GGTA1: variants seen among roughly 807,000 people sequenced by gnomAD.
The protein encoded by GGTA1 is inactive N-acetyllactosaminide alpha-1,3-galactosyltransferase.
In GGTA1, 5 loss-of-function variants were observed where a neutral mutation model predicts 2.6. The ratio of observed to expected loss-of-function variants is 1.92; its 90% CI spans 1.00 to 4.04. The LOEUF (loss-of-function observed/expected upper bound fraction) is 4.04. Ranked by LOEUF, GGTA1 falls within the 30% of genes most tolerant of loss-of-function variation. The pLI, the probability that GGTA1 is intolerant of heterozygous loss-of-function variation, is 0.00. For missense variants in GGTA1, 50 were observed against 16.7 expected (o/e 2.99, Z -3.47); for synonymous variants, 17 against 5.0 (o/e 3.38, Z -3.19).
rs557176548 is a variant in GGTA1 at position 121,492,631 on chromosome 9, G to A, written c.-10+7019C>T. Among the ~76,000 whole-genome samples, 16 of 152,030 alleles carry A rather than the reference G, an allele frequency of 1.1e-4. No individual in the cohort carries two copies. In the East Asian group the frequency reaches 2.8e-3, roughly 26 times the overall value. On this transcript the variant is annotated intron_variant, in intron 1 of 5. Coordinates refer to ENST00000481799, the MANE Select transcript of GGTA1 (RefSeq NM_001382585.1). The stretch of plus-strand genomic sequence containing the variant: ...TGGGATTACAGGCATGGGCCACTAC[G>A]CCTGGCTAATTTTATATTTTTAGTA...
downstream of GGTA1, among the ~76,000 whole-genome samples, chr9:121,450,205 T>C (rs576969434): frequency 6.6e-6 from 1 of 152,186 alleles, no homozygotes; most frequent in Admixed American, 6.5e-5. Context: ...AGAGAATATA[T>C]CTGAGGAATA....
intron 1 of GGTA1, among the ~76,000 whole-genome samples, chr9:121,480,417 C>A (rs530944615): frequency 1.3e-5 from 2 of 152,294 alleles, no homozygotes; most frequent in Admixed American, 6.5e-5. Flanking sequence ...CAAAATCATT[C>A]TCAGAATCCC....
intron 7 of GGTA1, among the ~76,000 whole-genome samples, chr9:121,447,834 T>C (rs1238951532): frequency 1.3e-5 from 2 of 152,176 alleles, no homozygotes; most frequent in African/African-American, 2.4e-5. Flanking sequence ...CACCATTCAG[T>C]CACTCAGTCC....
At chr9:121,458,339 T>C (rs1027469223) in intron 5 of GGTA1, among the ~76,000 whole-genome samples, 1 of 151,958 alleles carries the variant, frequency 6.6e-6, no homozygotes, top group Non-Finnish European at 1.5e-5. Flanking sequence ...TTAAATAATC[T>C]GCTTGTGTCC....
At chr9:121,454,626 G>A (rs935678403), downstream of GGTA1, among the ~76,000 whole-genome samples, 1 of 152,160 alleles carries the variant, frequency 6.6e-6, no homozygotes, top group Non-Finnish European at 1.5e-5. Context: ...GAGCTACCAC[G>A]TACACTATTT....
chr9:121,491,746 A>T (rs902797690), intron 1 of GGTA1, among the ~76,000 whole-genome samples: 2 of 151,968 alleles, frequency 1.3e-5, no homozygotes, highest in African/African-American at 4.8e-5. Context: ...AGTAGCTGGG[A>T]TTACAGGCTC....
chr9:121,472,654 G>A (rs759322592), intron 1 of GGTA1, among the ~76,000 whole-genome samples: 1 of 152,350 alleles, frequency 6.6e-6, no homozygotes, highest in South Asian at 2.1e-4. Context: ...GAAGTGGGAT[G>A]TGACTTTGAT....
intron 1 of GGTA1, among the ~76,000 whole-genome samples, chr9:121,482,200 G>C (rs576888059): frequency 6.6e-6 from 1 of 152,120 alleles, no homozygotes; most frequent in South Asian, 2.1e-4. Flanking sequence ...AGGCACAGTG[G>C]CTCACACCTG....
At chr9:121,452,953 A>G (rs2064885911), downstream of GGTA1, among the ~76,000 whole-genome samples, 1 of 152,096 alleles carries the variant, frequency 6.6e-6, no homozygotes, top group Non-Finnish European at 1.5e-5. Context: ...TTCCTAAGCT[A>G]CTAGTAGCAC....
intron 1 of GGTA1, among the ~76,000 whole-genome samples, chr9:121,486,080 G>A (rs1307230610): frequency 1.3e-5 from 2 of 152,112 alleles, no homozygotes; most frequent in African/African-American, 4.8e-5. Context: ...TCTGATAATT[G>A]TATTCCAGTA....
At chr9:121,493,748 CTTTTTTTTTTT>C (rs35465171) in intron 1 of GGTA1, among the ~76,000 whole-genome samples, 2 of 36,624 alleles carry the variant, frequency 5.5e-5, no homozygotes, top group East Asian at 7.4e-4. Context: ...GACTCACTCT[CTTTTTTTTTTT>C]TTTTTTTTTT....
chr9:121,499,008 A>T (rs1235578186), intron 1 of GGTA1, among the ~76,000 whole-genome samples: 1 of 151,542 alleles, frequency 6.6e-6, no homozygotes, highest in African/African-American at 2.4e-5. Context: ...AGGTTTGAAG[A>T]GTTGGAGGAA....
chr9:121,468,820 G>T (rs1828313887), intron 1 of GGTA1, among the ~76,000 whole-genome samples: 1 of 152,200 alleles, frequency 6.6e-6, no homozygotes, highest in Non-Finnish European at 1.5e-5. Flanking sequence ...ATCTGCCATG[G>T]ATGTAGGAGA....
At chr9:121,464,800 C>A (rs943751988) in intron 2 of GGTA1, among the ~76,000 whole-genome samples, 3 of 152,116 alleles carry the variant, frequency 2.0e-5, no homozygotes, top group African/African-American at 7.2e-5. Flanking sequence ...TTTCATCCAG[C>A]CTGAAATCAA....
intron 7 of GGTA1, among the ~76,000 whole-genome samples, chr9:121,448,749 C>G (rs2064864040): frequency 6.6e-6 from 1 of 152,168 alleles, no homozygotes; most frequent in South Asian, 2.1e-4. Flanking sequence ...CAGCCCCACC[C>G]CTCCACTATC....
chr9:121,467,536 C>T (rs10448255), intron 2 of GGTA1, among the ~76,000 whole-genome samples: 5 of 152,040 alleles, frequency 3.3e-5, no homozygotes. Flanking sequence ...ATTTGATTAT[C>T]CAAGTTATTT....
At chr9:121,484,141 C>T (rs1828708487) in intron 1 of GGTA1, among the ~76,000 whole-genome samples, 1 of 152,120 alleles carries the variant, frequency 6.6e-6, no homozygotes, top group Admixed American at 6.6e-5. Context: ...CAGACCTCAC[C>T]ACTATGCAGT....
chr9:121,464,445 G>C (rs1564652648), intron 2 of GGTA1, among the ~76,000 whole-genome samples: 1 of 146,168 alleles, frequency 6.8e-6, no homozygotes, highest in Non-Finnish European at 1.5e-5. Flanking sequence ...TCCTGCCTAA[G>C]CCTCCTGAGT....
chr9:121,493,412 C>T (rs72762157), intron 1 of GGTA1, among the ~76,000 whole-genome samples: 32,977 of 151,898 alleles, frequency 0.22, 4,305 homozygotes, highest in Non-Finnish European at 0.3. Flanking sequence ...TGAGGTTTTT[C>T]GCCCAAGACA....
Sources: allele counts gnomAD v4.1 joint callset (sites outside exome capture counted in the v4.1 genomes callset), GRCh38; gene constraint gnomAD v4.1.1; transcripts MANE v1.5; gene names NCBI Gene and HGNC (gene_info 2026-07-23, HGNC 2026-07-21).